The following PCDHA2 variants were observed in gnomAD, a reference collection of about 807,000 sequenced individuals.
The protein encoded by PCDHA2 is protocadherin alpha 2, also known as protocadherin alpha-2.
A neutral mutation model predicts 66.0 loss-of-function variants in PCDHA2; 58 were observed. The observed-to-expected ratio is 0.88, with a 90% CI of 0.71 to 1.09. The LOEUF (loss-of-function observed/expected upper bound fraction) is 1.09. Among genes scored for constraint, PCDHA2 ranks in the 50% least tolerant of loss-of-function variants. The pLI is 0.00. For synonymous variants in PCDHA2, 634 were observed against 554.0 expected (o/e 1.14, Z -2.03); for missense variants, 1,267 against 1,242.3 (o/e 1.02, Z -0.30).
At chr5:140,929,319 T>C in intron 1 of PCDHA2, 1 of 1,545,486 alleles carries the variant, frequency 6.5e-7, no homozygotes, top group Non-Finnish European at 8.7e-7. Flanking sequence ...CTAATGTCAA[T>C]GCCATGGTAA....
Position 140,858,252 on chromosome 5 carries a change from C to A in PCDHA2, c.2388+60900C>A, listed in dbSNP as rs1554151333. On this transcript the variant is annotated intron_variant, in intron 1 of 3. Coordinates refer to ENST00000526136, the MANE Select transcript of PCDHA2 (RefSeq NM_018905.3). The stretch of plus-strand genomic sequence containing the variant: ...GAGGGCGCATGTGGGCCGGTGAAGC[C>A]CACGCTGGTGTGCTCTAGCGCGGTG... 3 of 1,596,744 alleles carry A rather than the reference C, an allele frequency of 1.9e-6. 1 individual carries two copies. The Admixed American group carries it at 5.1e-5, about 27-fold the overall frequency.
chr5:140,807,843 A>C, intron 1 of PCDHA2: 1 of 1,614,202 alleles, frequency 6.2e-7, no homozygotes, highest in Non-Finnish European at 8.5e-7. Flanking sequence ...GATGGAGGCA[A>C]ACCCGAGTTG....
At chr5:140,879,234 G>A (rs1483424901) in intron 1 of PCDHA2, among the ~76,000 whole-genome samples, 1 of 152,180 alleles carries the variant, frequency 6.6e-6, no homozygotes, top group Non-Finnish European at 1.5e-5. Flanking sequence ...ACATATACAA[G>A]AGGCACTGGC....
chr5:140,927,917 TC>T (rs1554205257), intron 1 of PCDHA2: 2 of 1,614,182 alleles, frequency 1.2e-6, no homozygotes, highest in Non-Finnish European at 8.5e-7. Flanking sequence ...GAACTGGACT[TC>T]CTGACTCTTT....
chr5:140,908,431 G>A (rs949756474), intron 1 of PCDHA2, among the ~76,000 whole-genome samples: 4 of 152,152 alleles, frequency 2.6e-5, no homozygotes, highest in Non-Finnish European at 5.9e-5. Context: ...GCTGCTGTGC[G>A]CACCCCACTT....
At chr5:140,903,427 A>G (rs1030133179) in intron 1 of PCDHA2, among the ~76,000 whole-genome samples, 9 of 152,208 alleles carry the variant, frequency 5.9e-5, no homozygotes, top group African/African-American at 1.9e-4. Context: ...TCAGCACAAT[A>G]TGTATCAGTG....
intron 1 of PCDHA2, chr5:140,860,192 C>CATATATAT (rs143984774): frequency 6.9e-4 from 101 of 146,860 alleles, no homozygotes; most frequent in African/African-American, 2.5e-3. Context: ...GCTCTCCTTA[C>CATATATAT]ATATATATCT....
chr5:140,867,971 C>T (rs1230179778), intron 1 of PCDHA2: 1 of 152,032 alleles, frequency 6.6e-6, no homozygotes, highest in African/African-American at 2.4e-5. Flanking sequence ...ATTCTTTCAA[C>T]AAGAAACAAA....
chr5:140,850,992 G>T, intron 1 of PCDHA2: 1 of 1,444,816 alleles, frequency 6.9e-7, no homozygotes, highest in Non-Finnish European at 9.2e-7. Context: ...CATTTTTCTA[G>T]AAATCCAGCA....
At chr5:141,006,363 C>A (rs2098270160) in intron 3 of PCDHA2, among the ~76,000 whole-genome samples, 1 of 152,080 alleles carries the variant, frequency 6.6e-6, no homozygotes, top group Non-Finnish European at 1.5e-5. Context: ...AGGCGCCCAC[C>A]ACCACGCCCG....
intron 1 of PCDHA2, among the ~76,000 whole-genome samples, chr5:140,844,193 C>T (rs2150369320): frequency 6.7e-6 from 1 of 149,658 alleles, no homozygotes; most frequent in Admixed American, 6.7e-5. Flanking sequence ...TCTTATCTGA[C>T]TTTTTAGTGT....
At chr5:140,860,167 A>G (rs924380316) in intron 1 of PCDHA2, 2 of 149,440 alleles carry the variant, frequency 1.3e-5, no homozygotes, top group Non-Finnish European at 3.0e-5. Flanking sequence ...ATATATATGT[A>G]TATATATATG....
At chr5:140,807,005 C>A in intron 1 of PCDHA2, 1 of 751,302 alleles carries the variant, frequency 1.3e-6, no homozygotes, top group Non-Finnish European at 2.1e-6. Flanking sequence ...CGCTCTTTAC[C>A]ACAAAATACA....
intron 1 of PCDHA2, among the ~76,000 whole-genome samples, chr5:140,960,271 CA>C (rs1193468231): frequency 2.0e-5 from 3 of 152,182 alleles, no homozygotes; most frequent in Non-Finnish European, 4.4e-5. Flanking sequence ...TAAATTCCGT[CA>C]CCTTTTTGGG....
At chr5:140,884,689 T>C (rs1290961484) in intron 1 of PCDHA2, 11 of 1,534,282 alleles carry the variant, frequency 7.2e-6, no homozygotes, top group Non-Finnish European at 9.6e-6. Flanking sequence ...AAAAATTGTC[T>C]TAGTAAACAC....
intron 1 of PCDHA2, chr5:140,803,435 G>A (rs150112751): frequency 1.2e-4 from 195 of 1,614,210 alleles, no homozygotes; most frequent in African/African-American, 8.1e-4. Context: ...GCGCGGTGGG[G>A]AGCTGGTCAT....
At chr5:140,828,383 C>A in intron 1 of PCDHA2, 1 of 1,614,256 alleles carries the variant, frequency 6.2e-7, no homozygotes, top group South Asian at 1.1e-5. Context: ...GCTGTGCGGG[C>A]GGAGCGCGGA....
At chr5:140,924,208 G>T (rs1197265860) in intron 1 of PCDHA2, among the ~76,000 whole-genome samples, 1 of 152,238 alleles carries the variant, frequency 6.6e-6, no homozygotes, top group Non-Finnish European at 1.5e-5. Flanking sequence ...GAAATTTGGT[G>T]AAGAATAAGT....
At chr5:140,813,533 C>T (rs1173530205) in intron 1 of PCDHA2, 1 of 152,118 alleles carries the variant, frequency 6.6e-6, no homozygotes, top group African/African-American at 2.4e-5. Flanking sequence ...TAAAATGGTA[C>T]ACCTGAATAG....
Sources: gnomAD v4.1 joint callset for allele counts (sites outside exome capture counted in the v4.1 genomes callset) on GRCh38, gnomAD v4.1.1 for gene constraint, MANE v1.5 for transcripts, NCBI Gene and HGNC (gene_info 2026-07-23, HGNC 2026-07-21) for gene names.